The following FOXP4 variants were observed in gnomAD, a reference collection of about 807,000 sequenced individuals.
FOXP4 encodes the protein forkhead box protein P4.
A neutral mutation model predicts 82.6 loss-of-function variants in FOXP4; 25 were observed. That is an observed-to-expected ratio of 0.30 (90% confidence interval 0.22 to 0.42). FOXP4 has a LOEUF of 0.42. Among genes scored for constraint, FOXP4 ranks in the 10% least tolerant of loss-of-function variants. FOXP4 has a pLI of 1.00. For synonymous variants in FOXP4, 415 were observed against 388.2 expected, an observed-to-expected ratio of 1.07 and a Z score of -0.81; for missense variants, 785 against 900.9, an observed-to-expected ratio of 0.87 and a Z score of 1.65.
At chr6:41,582,780 C>A (rs779252156) in intron 3 of FOXP4, among the ~76,000 whole-genome samples, 1 of 152,132 alleles carries the variant, frequency 6.6e-6, no homozygotes, top group Non-Finnish European at 1.5e-5. Context: ...TAGGATACAA[C>A]CGTAGAGTAG....
At chr6:41,572,213 G>A (rs1283986880) in intron 2 of FOXP4, among the ~76,000 whole-genome samples, 1 of 152,122 alleles carries the variant, frequency 6.6e-6, no homozygotes, top group African/African-American at 2.4e-5. Flanking sequence ...CGCACCATGT[G>A]TTCCCTCCAC....
In FOXP4 at chr6:41,589,864, G is replaced by A. The variant is rs773534732; in HGVS notation, c.1149+10G>A. On this transcript the variant is annotated intron_variant, in intron 10 of 16. Coordinates refer to ENST00000307972, the MANE Select transcript of FOXP4 (RefSeq NM_001012426.2). ...GCCCTTCAGCCAGCCAGTGAGTGCTGCTCCCCTCCCCGCCCCTCCCAGAGC... is the reference window on the plus strand; with the variant it reads ...GCCCTTCAGCCAGCCAGTGAGTGCTACTCCCCTCCCCGCCCCTCCCAGAGC... 51 of 1,610,700 alleles carry A rather than the reference G, an allele frequency of 3.2e-5. No individual in the cohort carries two copies. In the Admixed American group the frequency reaches 8.3e-4, roughly 26 times the overall value.
chr6:41,593,503 C>A lies in FOXP4; in HGVS notation c.1537-1367C>A, dbSNP rs9394812. On this transcript the variant is annotated intron_variant, in intron 13 of 16. Transcript: ENST00000307972. The surrounding 1 kb of genome is among the most constrained non-coding windows in gnomAD (Gnocchi z 4.1). Reference sequence around the variant, plus strand: ...AATTGCCGTTAATGTTTCAGCGTAACGAATTAGTCTCTCATCACGAATCAG... The same window carrying A: ...AATTGCCGTTAATGTTTCAGCGTAAAGAATTAGTCTCTCATCACGAATCAG... Among the ~76,000 whole-genome samples the A allele has an allele frequency of 0.052, 7,960 of 152,172 alleles. 332 individuals are homozygous for A. Among genetic ancestry groups the A allele is most frequent in the East Asian group, 0.11 (571 of 5,188 alleles).
At chr6:41,577,627 A>C (rs1765559585) in intron 2 of FOXP4, among the ~76,000 whole-genome samples, 1 of 152,224 alleles carries the variant, frequency 6.6e-6, no homozygotes, top group South Asian at 2.1e-4. Context: ...TGCCTGACCC[A>C]TAGTAGATGC....
rs9394811 is a variant in FOXP4 at position 41,592,365 on chromosome 6, C to G, written c.1536+1043C>G. Among the ~76,000 whole-genome samples the G allele has an allele frequency of 1.0e-3, 155 of 152,258 alleles. 3 individuals carry two copies. In the East Asian group the frequency reaches 0.028, roughly 27 times the overall value. On this transcript the variant is annotated intron_variant, in intron 13 of 16. Coordinates refer to ENST00000307972, the MANE Select transcript of FOXP4 (RefSeq NM_001012426.2). ...ATCATGACTTTCATATGCTCATACC[C>G]AATTCCCAAAGCTTGGGAGAGAAGC... is the stretch of plus-strand genomic sequence containing the variant.
intron 5 of FOXP4, among the ~76,000 whole-genome samples, chr6:41,586,197 G>A (rs1459379434): frequency 6.6e-6 from 1 of 152,072 alleles, no homozygotes; most frequent in Non-Finnish European, 1.5e-5. Context: ...CAGCAGTCTT[G>A]TAATTGCTGT....
intron 1 of FOXP4, among the ~76,000 whole-genome samples, chr6:41,565,361 AAAACAAAC>A (rs747448721): frequency 2.0e-5 from 3 of 152,082 alleles, no homozygotes; most frequent in African/African-American, 7.3e-5. Context: ...CTGTGTCTCA[AAAACAAAC>A]AAACAAACAA....
chr6:41,574,003 A>G (rs890130587), intron 2 of FOXP4, among the ~76,000 whole-genome samples: 4 of 152,140 alleles, frequency 2.6e-5, no homozygotes, highest in African/African-American at 9.7e-5. Flanking sequence ...CACTCTGCCT[A>G]AGCCCCCTCT....
intron 1 of FOXP4, among the ~76,000 whole-genome samples, chr6:41,553,350 G>A (rs1006063366): frequency 1.3e-5 from 2 of 152,142 alleles, no homozygotes; most frequent in Non-Finnish European, 2.9e-5. Flanking sequence ...GAGGTGAGGC[G>A]AGCTTCAGCT....
intron 5 of FOXP4, among the ~76,000 whole-genome samples, chr6:41,585,770 G>A (rs1454591198): frequency 6.6e-6 from 1 of 151,982 alleles, no homozygotes; most frequent in Non-Finnish European, 1.5e-5. Flanking sequence ...GTAGACAGGT[G>A]TGTACGTGTC....
At chr6:41,590,749 C>CAT (rs1220994087) in intron 12 of FOXP4, among the ~76,000 whole-genome samples, 1 of 152,166 alleles carries the variant, frequency 6.6e-6, no homozygotes, top group Non-Finnish European at 1.5e-5. Flanking sequence ...TACATCGACA[C>CAT]ATATGTCCTC....
intron 1 of FOXP4, among the ~76,000 whole-genome samples, chr6:41,553,574 C>T (rs957376130): frequency 1.3e-5 from 2 of 152,186 alleles, no homozygotes; most frequent in African/African-American, 4.8e-5. Flanking sequence ...GGAGGACTTC[C>T]CCTCCCCTGG....
At chr6:41,598,251 C>T (rs1766990551) in intron 16 of FOXP4, among the ~76,000 whole-genome samples, 1 of 142,076 alleles carries the variant, frequency 7.0e-6, no homozygotes, top group Non-Finnish European at 1.5e-5. Flanking sequence ...GAGTCTCGCT[C>T]TGTCACCCAG....
chr6:41,547,252 C>T (rs1441894021), intron 1 of FOXP4, among the ~76,000 whole-genome samples: 1 of 152,046 alleles, frequency 6.6e-6, no homozygotes, highest in African/African-American at 2.4e-5. Context: ...CTGGGCCCCG[C>T]CCCCTCCCCG....
In FOXP4 at chr6:41,562,418, C is replaced by T. The variant is rs567540553; in HGVS notation, c.-16-3327C>T. On this transcript the variant is annotated intron_variant, in intron 1 of 16. Transcript: ENST00000307972. ...CTTCACCCTGTTTAATATGAATGAT[C>T]GGCCCCTGAATAGCTATTATTATAC... Among the ~76,000 whole-genome samples, 12 of 152,232 alleles carry T rather than the reference C, an allele frequency of 7.9e-5. No individual in the cohort carries two copies. The East Asian group carries it at 1.2e-3, about 15-fold the overall frequency.
At chr6:41,566,674 G>A (rs1356444212) in intron 2 of FOXP4, among the ~76,000 whole-genome samples, 1 of 152,156 alleles carries the variant, frequency 6.6e-6, no homozygotes, top group Non-Finnish European at 1.5e-5. Context: ...GTCCCACCTG[G>A]GGAAAAAGGG....
chr6:41,588,210 G>A (rs9462723), intron 8 of FOXP4, among the ~76,000 whole-genome samples: 14,413 of 152,208 alleles, frequency 0.095, 726 homozygotes, highest in African/African-American at 0.1. Context: ...CCTCAGCCCC[G>A]GGGAGTGATG....
intron 3 of FOXP4, among the ~76,000 whole-genome samples, chr6:41,580,520 A>C (rs933196773): frequency 6.6e-6 from 1 of 152,220 alleles, no homozygotes; most frequent in Non-Finnish European, 1.5e-5. Flanking sequence ...TCTTGGGGCC[A>C]TGGAGCCATG....
At chr6:41,570,810 G>T (rs1046151532) in intron 2 of FOXP4, among the ~76,000 whole-genome samples, 2 of 152,178 alleles carry the variant, frequency 1.3e-5, no homozygotes, top group Non-Finnish European at 2.9e-5. Flanking sequence ...ATTGAAGTGG[G>T]GAAGGCTGCA....
Sources: gnomAD v4.1 joint callset for allele counts (sites outside exome capture counted in the v4.1 genomes callset) on GRCh38, gnomAD v4.1.1 for gene constraint, Gnocchi (gnomAD v3.1) non-coding constraint, MANE v1.5 for transcripts, NCBI Gene and HGNC (gene_info 2026-07-23, HGNC 2026-07-21) for gene names.